The following TPRG1 variants were observed in gnomAD, a reference collection of about 807,000 sequenced individuals.
TPRG1 encodes the protein tumor protein p63-regulated gene 1 protein.
Under a neutral mutation model 29.3 loss-of-function variants are expected in TPRG1, and 29 were observed. The ratio of observed to expected loss-of-function variants is 0.99; its 90% CI spans 0.74 to 1.35. The LOEUF (loss-of-function observed/expected upper bound fraction) is 1.35. TPRG1 is among the 40% of genes most tolerant of loss of function. The pLI, the probability that TPRG1 is intolerant of heterozygous loss-of-function variation, is 0.00. For missense variants in TPRG1, 327 were observed against 335.0 expected (o/e 0.98, Z 0.19); for synonymous variants, 130 against 116.8 (o/e 1.11, Z -0.73).
At chr3:189,075,391 TC>T (rs781629103) in intron 4 of TPRG1, among the ~76,000 whole-genome samples, 52 of 152,304 alleles carry the variant, frequency 3.4e-4, no homozygotes, top group Non-Finnish European at 6.8e-4. Flanking sequence ...CACCTCGGCC[TC>T]CCAAAGTGCT....
chr3:189,021,493 C>G (rs1578201460), intron 3 of TPRG1, among the ~76,000 whole-genome samples: 1 of 152,078 alleles, frequency 6.6e-6, no homozygotes, highest in African/African-American at 2.4e-5. Flanking sequence ...ACTTATGAAG[C>G]TTAGTTTGGC....
intron 4 of TPRG1, among the ~76,000 whole-genome samples, chr3:189,092,973 T>C (rs73053425): frequency 0.15 from 23,430 of 151,968 alleles, 3,373 homozygotes; most frequent in African/African-American, 0.38. Context: ...TTGATGAGCA[T>C]GATTTATCTT....
intron 2 of TPRG1, among the ~76,000 whole-genome samples, chr3:189,212,992 G>A (rs1735508430): frequency 6.6e-6 from 1 of 152,208 alleles, no homozygotes; most frequent in African/African-American, 2.4e-5. Flanking sequence ...CTGTTACGCT[G>A]TGTCAGATGA....
chr3:189,186,240 G>T (rs1190218656), intron 1 of TPRG1, among the ~76,000 whole-genome samples: 2 of 152,162 alleles, frequency 1.3e-5, no homozygotes, highest in Non-Finnish European at 2.9e-5. Flanking sequence ...AGTCAATGAT[G>T]ACCCGAAATG....
intron 3 of TPRG1, among the ~76,000 whole-genome samples, chr3:189,217,195 C>A (rs1736199737): frequency 6.6e-6 from 1 of 152,138 alleles, no homozygotes; most frequent in African/African-American, 2.4e-5. Context: ...TACAATTCTG[C>A]CTGCTTGATT....
At chr3:189,056,022 T>C (rs1455584079) in intron 4 of TPRG1, among the ~76,000 whole-genome samples, 5 of 86,424 alleles carry the variant, frequency 5.8e-5, no homozygotes, top group African/African-American at 1.5e-4. Flanking sequence ...CTCCCTCCCT[T>C]CCCTCCCTCC....
At chr3:189,135,321 G>C (rs1046263897) in intron 3 of TPRG1, among the ~76,000 whole-genome samples, 11 of 152,174 alleles carry the variant, frequency 7.2e-5, no homozygotes, top group African/African-American at 2.7e-4. Context: ...GTGGATCCTG[G>C]ACGTGTACTG....
intron 5 of TPRG1, among the ~76,000 whole-genome samples, chr3:189,162,466 A>T (rs1000093997): frequency 2.6e-5 from 4 of 152,230 alleles, no homozygotes; most frequent in Non-Finnish European, 5.9e-5. Context: ...TTTTGTACTC[A>T]GTTTGATTTG....
chr3:189,232,049 C>A (rs2108909882), intron 3 of TPRG1, among the ~76,000 whole-genome samples: 1 of 151,616 alleles, frequency 6.6e-6, no homozygotes, highest in East Asian at 1.9e-4. Flanking sequence ...ACTTACAAAG[C>A]CCTTTGTTTT....
chr3:189,322,968 A>G lies in TPRG1; in HGVS notation c.*2148A>G, dbSNP rs1327894127. 2.0e-5 allele frequency: 3 copies of G among 152,172 alleles called. No homozygotes were observed. The highest frequency in any genetic ancestry group is 4.4e-5 in the Non-Finnish European group (3 of 68,016). The allele number at this position is 152,172 out of a possible 1,614,324, so 9.4% of individuals were successfully genotyped here. On this transcript the variant is annotated 3_prime_UTR_variant, in exon 6 of 6. Transcript: ENST00000345063. Reference sequence around the variant, plus strand: ...CCCTTCACATTTTGTAAAAACTGTCATATATAGGCTATCCCCTTAATTGAT... The same window carrying G: ...CCCTTCACATTTTGTAAAAACTGTCGTATATAGGCTATCCCCTTAATTGAT...
chr3:189,289,005 T>C (rs772626416), intron 4 of TPRG1, among the ~76,000 whole-genome samples: 15 of 152,226 alleles, frequency 9.9e-5, no homozygotes, highest in Non-Finnish European at 1.8e-4. Context: ...ACCGATGTAC[T>C]GTGTATTAGA....
rs370214823 is a variant in TPRG1 at position 189,088,242 on chromosome 3, G to A, written c.-462-38815G>A. Reference sequence around the variant, plus strand: ...ACATCCCTTGTAAGTTGGATTCCTGGGTATTTTATTCTCTTTGAAGCAATT... The same window carrying A: ...ACATCCCTTGTAAGTTGGATTCCTGAGTATTTTATTCTCTTTGAAGCAATT... On this transcript the variant is annotated intron_variant, in intron 4 of 10. Coordinates refer to the TPRG1 transcript ENST00000433971. 2.5e-3 allele frequency among the ~76,000 whole-genome samples: 379 copies of A among 152,116 alleles called. 2 individuals carry two copies. The highest frequency in any genetic ancestry group is 8.8e-3 in the African/African-American group (365 of 41,484).
At chr3:189,069,952 G>A (rs1040554524) in intron 4 of TPRG1, among the ~76,000 whole-genome samples, 2 of 152,108 alleles carry the variant, frequency 1.3e-5, no homozygotes, top group African/African-American at 2.4e-5. Context: ...GTGGTGCCAC[G>A]TGTCTGTAGT....
chr3:189,047,787 G>T (rs117692580), intron 4 of TPRG1, among the ~76,000 whole-genome samples: 1 of 152,206 alleles, frequency 6.6e-6, no homozygotes, highest in Non-Finnish European at 1.5e-5. Context: ...TTGCTTCTCC[G>T]TAAGAAGTAA....
chr3:189,019,632 G>A (rs1005557525), intron 3 of TPRG1, among the ~76,000 whole-genome samples: 5 of 152,078 alleles, frequency 3.3e-5, no homozygotes, highest in African/African-American at 1.2e-4. Flanking sequence ...GATTTGTTTT[G>A]CCAGTATTTT....
Position 189,322,350 on chromosome 3 carries a change from T to C in TPRG1, c.*1530T>C, listed in dbSNP as rs528842016. 2 of 152,548 alleles carry C rather than the reference T, an allele frequency of 1.3e-5. No homozygotes were observed. Among genetic ancestry groups the C allele is most frequent in the African/African-American group, 2.4e-5 (1 of 41,444 alleles). The allele number at this position is 152,548 out of a possible 1,614,324, so 9.4% of individuals were successfully genotyped here. On this transcript the variant is annotated 3_prime_UTR_variant, in exon 6 of 6. Coordinates refer to ENST00000345063, the MANE Select transcript of TPRG1 (RefSeq NM_198485.4). ...TAAACCTTGAATAACTCTTATTTTA[T>C]TTTGTCTTTGTTTACTTCCATTAAT...
intron 4 of TPRG1, among the ~76,000 whole-genome samples, chr3:189,072,330 G>A (rs1716859356): frequency 6.6e-6 from 1 of 152,058 alleles, no homozygotes; most frequent in South Asian, 2.1e-4. Context: ...ATTGCATTTA[G>A]GTGTCATGTT....
At chr3:189,115,185 A>C (rs180820912) in intron 1 of TPRG1, among the ~76,000 whole-genome samples, 1 of 152,226 alleles carries the variant, frequency 6.6e-6, no homozygotes, top group African/African-American at 2.4e-5. Context: ...GGCATTTTCT[A>C]TGTAGTAAAA....
At chr3:189,180,981 G>A (rs1202860283) in intron 1 of TPRG1, among the ~76,000 whole-genome samples, 3 of 152,186 alleles carry the variant, frequency 2.0e-5, no homozygotes, top group South Asian at 2.1e-4. Flanking sequence ...TGACTTCTGT[G>A]TACTGGCAGG....
Sources: allele counts gnomAD v4.1 joint callset (sites outside exome capture counted in the v4.1 genomes callset), GRCh38; gene constraint gnomAD v4.1.1; transcripts MANE v1.5; gene names NCBI Gene and HGNC (gene_info 2026-07-23, HGNC 2026-07-21).